SLIT2: variants seen among roughly 807,000 people sequenced by gnomAD.
SLIT2 encodes slit homolog 2 protein.
In SLIT2, 41 loss-of-function variants were observed where a neutral mutation model predicts 185.7. The ratio of observed to expected loss-of-function variants is 0.22; its 90% CI spans 0.17 to 0.29. The LOEUF (loss-of-function observed/expected upper bound fraction) is 0.29. Ranked by LOEUF, SLIT2 falls within the 10% of genes least tolerant of loss-of-function variation. The pLI is 1.00. For synonymous variants in SLIT2, 693 were observed against 680.2 expected (o/e 1.02, Z -0.29); for missense variants, 1,571 against 1,909.0 (o/e 0.82, Z 3.30).
intron 4 of SLIT2, among the ~76,000 whole-genome samples, chr4:20,444,455 G>C (rs1011011073): frequency 6.6e-6 from 1 of 151,854 alleles, no homozygotes; most frequent in Admixed American, 6.6e-5. Flanking sequence ...TACTGTAGTT[G>C]TGGTAGGTTT....
intron 4 of SLIT2, among the ~76,000 whole-genome samples, chr4:20,388,491 C>T (rs1043353536): frequency 2.6e-5 from 4 of 151,744 alleles, no homozygotes; most frequent in Admixed American, 1.3e-4. Flanking sequence ...TACGGAGATA[C>T]GGCCAGGCAT....
At chr4:20,591,819 A>T (rs2148951638) in intron 30 of SLIT2, among the ~76,000 whole-genome samples, 1 of 152,228 alleles carries the variant, frequency 6.6e-6, no homozygotes, top group Admixed American at 6.5e-5. Flanking sequence ...TGTAAGTATA[A>T]GATAAAGTAT....
intron 21 of SLIT2, among the ~76,000 whole-genome samples, chr4:20,544,818 C>T (rs1021151940): frequency 1.3e-5 from 2 of 151,958 alleles, no homozygotes; most frequent in Non-Finnish European, 2.9e-5. Context: ...GAATCTTGAC[C>T]TTCTGCTGTG....
chr4:20,539,289 A>G (rs1722588869), intron 18 of SLIT2, 152 bp from the exon 19 acceptor site: 1 of 625,354 alleles, frequency 1.6e-6, no homozygotes, highest in South Asian at 2.5e-5. Context: ...TATTCCCAGT[A>G]TATATTCATA....
Position 20,254,344 on chromosome 4 carries a change from AT to A in SLIT2, c.179+351del. 6.6e-6 allele frequency among the ~76,000 whole-genome samples: 1 copy of A among 152,186 alleles called. No individual in the cohort carries two copies. Among genetic ancestry groups the A allele is most frequent in the East Asian group, 1.9e-4 (1 of 5,166 alleles). On this transcript the variant is annotated intron_variant, in intron 1 of 36. Coordinates refer to ENST00000504154, the MANE Select transcript of SLIT2 (RefSeq NM_004787.4). The surrounding 1 kb of genome is among the most constrained non-coding windows in gnomAD (Gnocchi z 5.1). ...GACGCCACTTTGTTCTCCAGAGTCC[AT>A]AAACGGAGTCACCTTGCGATTGCCA...
At chr4:20,448,560 A>G (rs1712088222) in intron 4 of SLIT2, among the ~76,000 whole-genome samples, 1 of 152,108 alleles carries the variant, frequency 6.6e-6, no homozygotes, top group South Asian at 2.1e-4. Context: ...ACCTCAGGTG[A>G]TCCACCCACC....
chr4:20,338,518 G>A (rs1335323284), intron 4 of SLIT2, among the ~76,000 whole-genome samples: 2 of 152,130 alleles, frequency 1.3e-5, no homozygotes, highest in African/African-American at 2.4e-5. Flanking sequence ...TACTCTGGTG[G>A]AGTCTAAAGG....
At chr4:20,307,496 C>A (rs1255062350) in intron 4 of SLIT2, among the ~76,000 whole-genome samples, 2 of 151,958 alleles carry the variant, frequency 1.3e-5, no homozygotes, top group African/African-American at 2.4e-5. Flanking sequence ...AAACTCCTGA[C>A]TTCAAGTCCC....
At chr4:20,515,154 A>C (rs1045901168) in intron 11 of SLIT2, among the ~76,000 whole-genome samples, 42 of 152,284 alleles carry the variant, frequency 2.8e-4, no homozygotes, top group African/African-American at 9.1e-4. Context: ...TACTAGTTAG[A>C]GGCTGAGCTA....
intron 29 of SLIT2, among the ~76,000 whole-genome samples, chr4:20,578,947 A>C (rs1726295435): frequency 6.6e-6 from 1 of 152,148 alleles, no homozygotes; most frequent in African/African-American, 2.4e-5. Flanking sequence ...AGGACTAAAT[A>C]AGCCTAGATG....
rs1441519078 is a variant in SLIT2, at chr4:20,594,106, C to CACATATATATACACATGTGCATATATAT, written c.3183-1581_3183-1554dup. ...CTAAGTTATACTTTTCTCATATATA[C>CACATATATATACACATGTGCATATATAT]ACATATATATACACATGTGCATATA... On this transcript the variant is annotated intron_variant, in intron 30 of 36. Coordinates refer to ENST00000504154, the MANE Select transcript of SLIT2 (RefSeq NM_004787.4). Among the ~76,000 whole-genome samples the CACATATATATACACATGTGCATATATAT allele has an allele frequency of 3.4e-5, 5 of 146,958 alleles. No individual in the cohort carries two copies. The South Asian group carries it at 6.3e-4, about 19-fold the overall frequency.
At chr4:20,301,456 G>C (rs1419741938) in intron 4 of SLIT2, among the ~76,000 whole-genome samples, 2 of 152,032 alleles carry the variant, frequency 1.3e-5, no homozygotes, top group African/African-American at 4.8e-5. Context: ...CATTCTGAAT[G>C]TCATTTTGCA....
intron 4 of SLIT2, among the ~76,000 whole-genome samples, chr4:20,275,330 G>C (rs962418188): frequency 6.6e-6 from 1 of 152,108 alleles, no homozygotes; most frequent in Non-Finnish European, 1.5e-5. Flanking sequence ...CAACCGTATT[G>C]TTGAGGTTTC....
intron 25 of SLIT2, among the ~76,000 whole-genome samples, chr4:20,552,239 A>G (rs1723824155): frequency 6.6e-6 from 1 of 152,160 alleles, no homozygotes; most frequent in African/African-American, 2.4e-5. Context: ...GGCATCAGAA[A>G]AGGCTTCACA....
chr4:20,476,716 A>G (rs1046156959), intron 5 of SLIT2, among the ~76,000 whole-genome samples: 6 of 152,274 alleles, frequency 3.9e-5, no homozygotes, highest in Middle Eastern at 3.4e-3. Context: ...GCAGTTTTAT[A>G]TAGTTATTAA....
At chr4:20,354,466 A>G (rs1722137244) in intron 4 of SLIT2, among the ~76,000 whole-genome samples, 1 of 152,184 alleles carries the variant, frequency 6.6e-6, no homozygotes. Context: ...TTGGATGACC[A>G]AGGGCACAAA....
intron 4 of SLIT2, among the ~76,000 whole-genome samples, chr4:20,366,342 G>A (rs943372808): frequency 6.6e-6 from 1 of 152,116 alleles, no homozygotes; most frequent in East Asian, 1.9e-4. Context: ...CAGAGTCAAG[G>A]AATTCCTTTC....
intron 4 of SLIT2, among the ~76,000 whole-genome samples, chr4:20,325,093 A>C: frequency 6.6e-6 from 1 of 150,868 alleles, no homozygotes; most frequent in Non-Finnish European, 1.5e-5. Context: ...CTCCCTCCTA[A>C]GCTCTTTTTC....
chr4:20,429,249 C>T (rs1332956904), intron 4 of SLIT2, among the ~76,000 whole-genome samples: 3 of 152,028 alleles, frequency 2.0e-5, no homozygotes, highest in Admixed American at 6.6e-5. Flanking sequence ...GATTCATAAT[C>T]AAGGCAGAAA....
Sources: gnomAD v4.1 joint callset for allele counts (sites outside exome capture counted in the v4.1 genomes callset) on GRCh38, gnomAD v4.1.1 for gene constraint, Gnocchi (gnomAD v3.1) non-coding constraint, MANE v1.5 for transcripts, NCBI Gene and HGNC (gene_info 2026-07-23, HGNC 2026-07-21) for gene names.